The following ZNF536 variants were observed in gnomAD, a reference collection of about 807,000 sequenced individuals.
ZNF536 encodes the protein zinc finger protein 536.
Under a neutral mutation model 84.5 loss-of-function variants are expected in ZNF536, and 13 were observed. That is an observed-to-expected ratio of 0.15 (90% CI 0.10 to 0.24). The LOEUF is 0.24. ZNF536 is among the 10% of genes least tolerant of loss of function. The probability of loss-of-function intolerance (pLI) is 1.00; values close to 1 mark genes in which losing one functional copy is unlikely to be tolerated. For missense variants in ZNF536, 1,536 were observed against 1,747.5 expected, an observed-to-expected ratio of 0.88 and a Z score of 2.16; for synonymous variants, 811 against 742.5, an observed-to-expected ratio of 1.09 and a Z score of -1.50.
In ZNF536 at chr19:30,255,212, G is replaced by A. The variant is rs193219456; in HGVS notation, c.-190+26539G>A. On this transcript the variant is annotated intron_variant, in intron 1 of 5. Coordinates refer to the ZNF536 transcript ENST00000585628. Reference sequence around the variant, plus strand: ...GGATGGCTCTCGTTTGTGGCTTTCAGGGTGATTGTCGGTGGGGTTTACTCT... The same window carrying A: ...GGATGGCTCTCGTTTGTGGCTTTCAAGGTGATTGTCGGTGGGGTTTACTCT... Among the ~76,000 whole-genome samples, 14 of 152,230 alleles carry A rather than the reference G, an allele frequency of 9.2e-5. No individual in the cohort carries two copies. The East Asian group carries it at 2.7e-3, about 29-fold the overall frequency.
chr19:30,534,222 G>A (rs1348290543), intron 2 of ZNF536, among the ~76,000 whole-genome samples: 1 of 152,146 alleles, frequency 6.6e-6, no homozygotes, highest in Non-Finnish European at 1.5e-5. Flanking sequence ...CTTTGAATAT[G>A]TCACTATATG....
intron 1 of ZNF536, among the ~76,000 whole-genome samples, chr19:30,658,696 G>T (rs573850247): frequency 4.5e-4 from 69 of 152,174 alleles, no homozygotes; most frequent in Admixed American, 2.1e-3. Context: ...TAAAAATTAT[G>T]TGTGTTTGAC....
chr19:30,496,785 T>A (rs948603832), intron 2 of ZNF536, among the ~76,000 whole-genome samples: 1 of 151,792 alleles, frequency 6.6e-6, no homozygotes, highest in Non-Finnish European at 1.5e-5. Context: ...CTCGAGTAGA[T>A]GCTTTTTATG....
chr19:30,341,266 A>T (rs1194735321), intron 2 of ZNF536, among the ~76,000 whole-genome samples: 2 of 152,212 alleles, frequency 1.3e-5, no homozygotes, highest in Non-Finnish European at 2.9e-5. Context: ...GATAATTGGC[A>T]AGGAAAAAAA....
At position 30,346,039 on chromosome 19, in the gene ZNF536, A is replaced by G. The variant is rs150779568; in HGVS notation, c.-119-6329A>G. The stretch of plus-strand genomic sequence containing the variant: ...CAGATGACTACCAGACATTCAGGAT[A>G]AGTCTTCCATGCCACTATGATGCTG... On this transcript the variant is annotated intron_variant, in intron 2 of 5. Coordinates refer to the ZNF536 transcript ENST00000585628. Among the ~76,000 whole-genome samples, 18 of 152,320 alleles carry G rather than the reference A, an allele frequency of 1.2e-4. No individual in the cohort carries two copies. In the East Asian group the frequency reaches 3.3e-3, roughly 28 times the overall value.
At chr19:30,514,270 A>G (rs2055541067) in intron 2 of ZNF536, among the ~76,000 whole-genome samples, 1 of 151,932 alleles carries the variant, frequency 6.6e-6, no homozygotes, top group African/African-American at 2.4e-5. Context: ...AGGTTATTCA[A>G]TTTACTCCCA....
intron 1 of ZNF536, among the ~76,000 whole-genome samples, chr19:30,241,731 G>A (rs1480263990): frequency 2.0e-5 from 3 of 152,222 alleles, no homozygotes; most frequent in African/African-American, 7.2e-5. Flanking sequence ...TGTCTGCTAT[G>A]TGCCAGGCAC....
chr19:30,378,860 C>A (rs1220378827), intron 1 of ZNF536, among the ~76,000 whole-genome samples: 1 of 152,168 alleles, frequency 6.6e-6, no homozygotes, highest in Non-Finnish European at 1.5e-5. Context: ...GTTTTGACCC[C>A]CTGAGGGCCT....
chr19:30,703,365 G>C (rs568696290), intron 1 of ZNF536, among the ~76,000 whole-genome samples: 1 of 152,082 alleles, frequency 6.6e-6, no homozygotes, highest in Non-Finnish European at 1.5e-5. Flanking sequence ...ATCACAGCCC[G>C]CACTGCCTCC....
At chr19:30,571,427 A>G (rs1340112341) in intron 1 of ZNF536, among the ~76,000 whole-genome samples, 1 of 152,202 alleles carries the variant, frequency 6.6e-6, no homozygotes, top group African/African-American at 2.4e-5. Flanking sequence ...AGGGGTCAAG[A>G]TGCCCAAAGC....
chr19:30,620,028 G>T (rs2048425635), intron 1 of ZNF536, among the ~76,000 whole-genome samples: 1 of 52,404 alleles, frequency 1.9e-5, no homozygotes. Context: ...CTTCCTCTAT[G>T]CTTTTTTTTT....
At position 30,693,381 on chromosome 19, in the gene ZNF536, G is replaced by C. The variant is rs570084759; in HGVS notation, c.170-17376G>C. Among the ~76,000 whole-genome samples, 8 of 152,176 alleles carry C rather than the reference G, an allele frequency of 5.3e-5. No homozygotes were observed. In the South Asian group the frequency reaches 1.2e-3, roughly 24 times the overall value. On this transcript the variant is annotated intron_variant, in intron 1 of 1. Coordinates refer to the ZNF536 transcript ENST00000592773. ...GCCCTGCCCATTTGTTTTGGTTTAC[G>C]TGACTACAGAGAAATAAGTGGATTA...
chr19:30,693,254 A>G lies in ZNF536; in HGVS notation c.170-17503A>G, dbSNP rs150376376. Among the ~76,000 whole-genome samples, 32 of 152,338 alleles carry G rather than the reference A, an allele frequency of 2.1e-4. No homozygotes were observed. The East Asian group carries it at 5.6e-3, about 27-fold the overall frequency. Reference sequence around the variant, plus strand: ...CTGGATCACACCACAAGGTGCCCTTATCCCTGCTGAAGGAAGGATGATACC... The same window carrying G: ...CTGGATCACACCACAAGGTGCCCTTGTCCCTGCTGAAGGAAGGATGATACC... On this transcript the variant is annotated intron_variant, in intron 1 of 1. Transcript: ENST00000592773.
intron 2 of ZNF536, among the ~76,000 whole-genome samples, chr19:30,510,621 C>A (rs1297379610): frequency 6.6e-6 from 1 of 152,196 alleles, no homozygotes; most frequent in Admixed American, 6.5e-5. Flanking sequence ...TGGGTCAGTG[C>A]TCCTCGATGT....
At chr19:30,316,019 C>G (rs2046667351) in intron 2 of ZNF536, among the ~76,000 whole-genome samples, 1 of 151,988 alleles carries the variant, frequency 6.6e-6, no homozygotes, top group Non-Finnish European at 1.5e-5. Flanking sequence ...ATTCATGTAC[C>G]CATATGTTGG....
At chr19:30,460,750 C>G (rs147056934) in intron 2 of ZNF536, among the ~76,000 whole-genome samples, 187 of 152,274 alleles carry the variant, frequency 1.2e-3, no homozygotes, top group African/African-American at 4.3e-3. Context: ...GTGGGATTCC[C>G]TGCTCTTGAG....
intron 1 of ZNF536, among the ~76,000 whole-genome samples, chr19:30,612,825 A>G (rs1416223463): frequency 1.3e-5 from 2 of 152,202 alleles, no homozygotes; most frequent in Non-Finnish European, 2.9e-5. Flanking sequence ...TTACGAATTA[A>G]TCTATAGACC....
At chr19:30,408,609 A>G (rs771695478) in intron 1 of ZNF536, among the ~76,000 whole-genome samples, 1 of 152,186 alleles carries the variant, frequency 6.6e-6, no homozygotes, top group African/African-American at 2.4e-5. Context: ...ACAGGAAGTA[A>G]GTGGAAGAAG....
In ZNF536 at chr19:30,446,506, C is replaced by A. The variant is rs552476320; in HGVS notation, c.2170+774C>A. 3.3e-5 allele frequency among the ~76,000 whole-genome samples: 5 copies of A among 152,094 alleles called. No individual in the cohort carries two copies. The East Asian group carries it at 9.7e-4, about 29-fold the overall frequency. On this transcript the variant is annotated intron_variant, in intron 2 of 4. Transcript: ENST00000355537. ...TCTTTCTCTCCCCCTTAGCGTATTC[C>A]CATAATTCTCTCATGCAGGCACCGC...
Sources: gnomAD v4.1 joint callset for allele counts (sites outside exome capture counted in the v4.1 genomes callset) on GRCh38, gnomAD v4.1.1 for gene constraint, MANE v1.5 for transcripts, NCBI Gene and HGNC (gene_info 2026-07-23, HGNC 2026-07-21) for gene names.